Variants in GPM6A observed in about 807,000 individuals in gnomAD.
GPM6A encodes glycoprotein M6A.
Under a neutral mutation model 32.1 loss-of-function variants are expected in GPM6A, and 7 were observed. That is an observed-to-expected ratio of 0.22 (90% CI 0.12 to 0.41). The LOEUF (loss-of-function observed/expected upper bound fraction) is 0.41, where lower values mean the gene tolerates loss of function less well. Among genes scored for constraint, GPM6A ranks in the 10% least tolerant of loss-of-function variants. GPM6A has a pLI of 1.00. For synonymous variants in GPM6A, 130 were observed against 123.4 expected (o/e 1.05, Z -0.35); for missense variants, 235 against 347.2 (o/e 0.68, Z 2.57).
At chr4:175,908,378 A>C (rs1020372901) in intron 1 of GPM6A, among the ~76,000 whole-genome samples, 2 of 152,092 alleles carry the variant, frequency 1.3e-5, no homozygotes, top group African/African-American at 4.8e-5. Flanking sequence ...TGTGTCTTCT[A>C]TATCCTCATC....
chr4:175,708,416 G>A (rs567276166), intron 1 of GPM6A, among the ~76,000 whole-genome samples: 42 of 148,620 alleles, frequency 2.8e-4, no homozygotes, highest in Non-Finnish European at 4.9e-4. Flanking sequence ...ATGGAGTTTC[G>A]CTCTTGTTGC....
intron 3 of GPM6A, among the ~76,000 whole-genome samples, chr4:175,670,024 G>A (rs532476769): frequency 1.9e-4 from 29 of 151,562 alleles, no homozygotes; most frequent in Non-Finnish European, 2.9e-4. Context: ...AAATCAACCC[G>A]GTGACACTTT....
intron 1 of GPM6A, among the ~76,000 whole-genome samples, chr4:175,894,518 T>A (rs1737739748): frequency 6.6e-6 from 1 of 152,150 alleles, no homozygotes; most frequent in Non-Finnish European, 1.5e-5. Context: ...AAGAAAGAGA[T>A]TTTTATGCAT....
chr4:175,749,878 C>T (rs1056861449), intron 1 of GPM6A, among the ~76,000 whole-genome samples: 1 of 152,118 alleles, frequency 6.6e-6, no homozygotes, highest in Non-Finnish European at 1.5e-5. Flanking sequence ...AAAAGCTGCC[C>T]CCACATCATC....
intron 1 of GPM6A, among the ~76,000 whole-genome samples, chr4:175,931,744 G>C (rs1739054444): frequency 6.7e-6 from 1 of 150,106 alleles, no homozygotes; most frequent in Non-Finnish European, 1.5e-5. Context: ...ATTATGCAAT[G>C]AGAGTAGATA....
chr4:175,702,596 T>A (rs561827894), intron 1 of GPM6A, among the ~76,000 whole-genome samples: 173 of 152,014 alleles, frequency 1.1e-3, no homozygotes, highest in Admixed American at 2.4e-3. Context: ...CTCACTGCAA[T>A]CTCTGCCTCC....
intron 1 of GPM6A, among the ~76,000 whole-genome samples, chr4:175,853,707 C>T (rs967671902): frequency 3.3e-5 from 5 of 151,940 alleles, no homozygotes; most frequent in Non-Finnish European, 5.9e-5. Flanking sequence ...AGAGTTGTGG[C>T]AACTTGAGAA....
At chr4:175,760,563 T>C (rs975276866) in intron 1 of GPM6A, among the ~76,000 whole-genome samples, 1 of 152,184 alleles carries the variant, frequency 6.6e-6, no homozygotes, top group Non-Finnish European at 1.5e-5. Context: ...GTTTAAGATA[T>C]ATTCAAATGC....
intron 1 of GPM6A, among the ~76,000 whole-genome samples, chr4:175,786,147 G>T (rs1308142868): frequency 6.6e-6 from 1 of 152,066 alleles, no homozygotes; most frequent in Non-Finnish European, 1.5e-5. Flanking sequence ...ACTTAAAAGT[G>T]CTAGGTGTTT....
chr4:175,645,686 A>G (rs1741422818), intron 4 of GPM6A, among the ~76,000 whole-genome samples: 1 of 152,094 alleles, frequency 6.6e-6, no homozygotes. Context: ...GCGCCACTGC[A>G]CTCCAGCCTG....
chr4:175,664,758 C>A (rs1282810323), intron 3 of GPM6A, among the ~76,000 whole-genome samples: 1 of 152,256 alleles, frequency 6.6e-6, no homozygotes, highest in East Asian at 1.9e-4. Flanking sequence ...GATCAAGAGC[C>A]CCTTTTACTC....
intron 1 of GPM6A, among the ~76,000 whole-genome samples, chr4:175,953,182 A>G (rs917666229): frequency 2.6e-5 from 4 of 152,130 alleles, no homozygotes; most frequent in East Asian, 3.8e-4. Flanking sequence ...AAACAAATAA[A>G]GAAATCAAAG....
In GPM6A at chr4:175,874,794, G is replaced by A. The variant is rs184515454; in HGVS notation, c.-22-62545C>T. On this transcript the variant is annotated intron_variant, in intron 1 of 7. Coordinates refer to the GPM6A transcript ENST00000280187. ...GAAATAGATGGAAAATGGGAGAAGA[G>A]GAAAATTTATACAGTTCATTTCAAT... is the stretch of plus-strand genomic sequence containing the variant. Among the ~76,000 whole-genome samples, 9 of 151,940 alleles carry A rather than the reference G, an allele frequency of 5.9e-5. No homozygotes were observed. The East Asian group carries it at 1.7e-3, about 29-fold the overall frequency.
At chr4:175,902,586 T>C (rs1738002384) in intron 1 of GPM6A, among the ~76,000 whole-genome samples, 2 of 151,996 alleles carry the variant, frequency 1.3e-5, no homozygotes, top group African/African-American at 4.8e-5. Context: ...AATAAAAGAT[T>C]TGGGTGGGGT....
chr4:175,678,194 A>G (rs759015614), intron 2 of GPM6A, among the ~76,000 whole-genome samples: 14 of 152,160 alleles, frequency 9.2e-5, no homozygotes, highest in Admixed American at 2.6e-4. Context: ...AGAACTGTCA[A>G]TGGCATTGGA....
intron 1 of GPM6A, among the ~76,000 whole-genome samples, chr4:175,711,409 AATATATATATATATAT>A (rs36105210): frequency 0.024 from 1,287 of 53,282 alleles, 46 homozygotes; most frequent in Middle Eastern, 0.035. Flanking sequence ...TGGCACACCA[AATATATATATATATAT>A]ATATATATAT....
chr4:175,674,989 A>G (rs182433343), intron 2 of GPM6A, among the ~76,000 whole-genome samples: 1 of 149,218 alleles, frequency 6.7e-6, no homozygotes, highest in Admixed American at 6.6e-5. Flanking sequence ...CTGATACATA[A>G]TAACAGATGG....
intron 1 of GPM6A, among the ~76,000 whole-genome samples, chr4:175,975,030 A>AGGC (rs1654039226): frequency 6.6e-6 from 1 of 151,952 alleles, no homozygotes; most frequent in East Asian, 1.9e-4. Context: ...CAAGTCCATA[A>AGGC]TCTCCTACCT....
chr4:175,943,200 A>G (rs1472881473), intron 1 of GPM6A, among the ~76,000 whole-genome samples: 1 of 152,154 alleles, frequency 6.6e-6, no homozygotes, highest in Non-Finnish European at 1.5e-5. Flanking sequence ...ATTGGTGTAT[A>G]TGAATGCTTG....
Sources: allele counts gnomAD v4.1 joint callset (sites outside exome capture counted in the v4.1 genomes callset), GRCh38; gene constraint gnomAD v4.1.1; transcripts MANE v1.5; gene names NCBI Gene and HGNC (gene_info 2026-07-23, HGNC 2026-07-21).